LRRC20: variants seen among roughly 807,000 people sequenced by gnomAD.
LRRC20 encodes the protein leucine-rich repeat-containing protein 20.
A neutral mutation model predicts 14.4 loss-of-function variants in LRRC20; 11 were observed. The observed-to-expected ratio is 0.77, with a 90% CI of 0.48 to 1.27. The LOEUF (loss-of-function observed/expected upper bound fraction) is 1.27, where lower values mean the gene tolerates loss of function less well. Among genes scored for constraint, LRRC20 ranks in the 50% most tolerant of loss-of-function variants. The pLI is 0.00. For synonymous variants in LRRC20, 121 were observed against 107.3 expected, an observed-to-expected ratio of 1.13 and a Z score of -0.79; for missense variants, 219 against 251.2, an observed-to-expected ratio of 0.87 and a Z score of 0.87.
At chr10:70,335,948 C>T (rs999463057) in intron 3 of LRRC20, among the ~76,000 whole-genome samples, 1 of 152,178 alleles carries the variant, frequency 6.6e-6, no homozygotes, top group East Asian at 1.9e-4. Flanking sequence ...CCTGGACACC[C>T]ACAGACCGTG....
At position 70,300,229 on chromosome 10, in the gene LRRC20, G is replaced by T; in HGVS notation, c.*1125C>A. ...CCACAGGCGTTCTCGGGAAGCAAGA[G>T]CCCCAGGCCCTCTCCTGGTAGGGGA... On this transcript the variant is annotated 3_prime_UTR_variant, in exon 5 of 5. Transcript: ENST00000446961. The T allele has an allele frequency of 5.0e-6, 2 of 401,590 alleles. No individual in the cohort carries two copies. Among genetic ancestry groups the T allele is most frequent in the Non-Finnish European group, 6.8e-6 (2 of 296,196 alleles). 24.9% of individuals were successfully genotyped at this position (401,590 alleles called of 1,614,324 possible). A position where few individuals can be genotyped will look rare whatever the true frequency, so the allele number is the denominator to read the frequency against.
At position 70,308,714 on chromosome 10, in the gene LRRC20, G is replaced by A. The variant is rs142971433; in HGVS notation, c.401-7206C>T. On this transcript the variant is annotated intron_variant, in intron 4 of 4. Coordinates refer to ENST00000446961, the MANE Select transcript of LRRC20 (RefSeq NM_001278212.2). ...GGGGTGGGAGAGGCCAGGAGTCCAT[G>A]GCAAATGGAGGCTCAGACAGGAAAA... 3.0e-3 allele frequency among the ~76,000 whole-genome samples: 464 copies of A among 152,320 alleles called. 4 individuals are homozygous for A. Among genetic ancestry groups the A allele is most frequent in the African/African-American group, 0.011 (448 of 41,572 alleles).
chr10:70,353,576 C>T (rs1183863200), intron 2 of LRRC20, among the ~76,000 whole-genome samples: 1 of 152,092 alleles, frequency 6.6e-6, no homozygotes, highest in African/African-American at 2.4e-5. Flanking sequence ...CACCACCACG[C>T]CCAACTAATT....
At chr10:70,348,444 G>C (rs1843160757) in intron 2 of LRRC20, among the ~76,000 whole-genome samples, 1 of 152,218 alleles carries the variant, frequency 6.6e-6, no homozygotes, top group African/African-American at 2.4e-5. Flanking sequence ...CGGGGGATGG[G>C]AATAATAACA....
At chr10:70,363,535 T>G (rs1303904239) in intron 2 of LRRC20, among the ~76,000 whole-genome samples, 1 of 152,148 alleles carries the variant, frequency 6.6e-6, no homozygotes, top group Non-Finnish European at 1.5e-5. Flanking sequence ...GAAGCCTGAA[T>G]GAACTAAGGC....
chr10:70,371,470 A>G (rs1186237848), intron 2 of LRRC20, among the ~76,000 whole-genome samples: 1 of 151,866 alleles, frequency 6.6e-6, no homozygotes, highest in East Asian at 1.9e-4. Context: ...CTGTGTCACG[A>G]TTATTCTTTA....
chr10:70,319,507 C>A (rs1192128471), intron 4 of LRRC20, among the ~76,000 whole-genome samples: 1 of 152,204 alleles, frequency 6.6e-6, no homozygotes, highest in East Asian at 1.9e-4. Flanking sequence ...CCCACAAGGA[C>A]ACGAGGACAG....
chr10:70,378,458 C>T (rs940901051), intron 1 of LRRC20, among the ~76,000 whole-genome samples: 1 of 147,496 alleles, frequency 6.8e-6, no homozygotes, highest in African/African-American at 2.5e-5. Context: ...GCCTGACCAA[C>T]ATGGTAAAAC....
At chr10:70,301,547 C>A in intron 4 of LRRC20, 39 bp from the exon 5 acceptor site, 1 of 1,599,726 alleles carries the variant, frequency 6.3e-7, no homozygotes, top group Non-Finnish European at 8.5e-7. Flanking sequence ...GTGGTGGAGG[C>A]CAACCAGACA....
intron 2 of LRRC20, among the ~76,000 whole-genome samples, chr10:70,364,038 T>G (rs991723646): frequency 6.6e-6 from 1 of 152,222 alleles, no homozygotes; most frequent in East Asian, 1.9e-4. Flanking sequence ...TCAGCCCTTG[T>G]GGCAAACAAA....
At chr10:70,312,169 G>C (rs530698155) in intron 4 of LRRC20, among the ~76,000 whole-genome samples, 1 of 152,306 alleles carries the variant, frequency 6.6e-6, no homozygotes, top group East Asian at 1.9e-4. Context: ...AGCATTGCTA[G>C]AGAATCCAGG....
intron 3 of LRRC20, among the ~76,000 whole-genome samples, chr10:70,328,905 G>A (rs1285013056): frequency 6.6e-6 from 1 of 152,224 alleles, no homozygotes; most frequent in Admixed American, 6.5e-5. Context: ...GCAACAGAGT[G>A]AGAGCGAGAC....
intron 1 of LRRC20, among the ~76,000 whole-genome samples, chr10:70,378,512 C>T (rs1368616456): frequency 6.6e-6 from 1 of 150,606 alleles, no homozygotes; most frequent in Non-Finnish European, 1.5e-5. Context: ...AATGGTCGGG[C>T]ATGGTGGCTC....
chr10:70,304,473 T>TATAGATATATAG (rs1272949523), intron 4 of LRRC20, among the ~76,000 whole-genome samples: 1 of 11,176 alleles, frequency 8.9e-5, no homozygotes, highest in African/African-American at 4.6e-4. Context: ...CACTTCTTTA[T>TATAGATATATAG]ATATATATAT....
At chr10:70,365,887 G>A (rs1371921653) in intron 2 of LRRC20, among the ~76,000 whole-genome samples, 4 of 151,472 alleles carry the variant, frequency 2.6e-5, no homozygotes, top group Admixed American at 6.6e-5. Flanking sequence ...TGGCTAACAC[G>A]GTGAAACCCC....
At chr10:70,354,359 G>A (rs889596027) in intron 2 of LRRC20, among the ~76,000 whole-genome samples, 66 of 152,138 alleles carry the variant, frequency 4.3e-4, no homozygotes, top group African/African-American at 1.5e-3. Flanking sequence ...TCTAGGTGGG[G>A]CGTAAGAGTC....
At chr10:70,344,993 C>T (rs1843026664) in intron 2 of LRRC20, among the ~76,000 whole-genome samples, 1 of 152,142 alleles carries the variant, frequency 6.6e-6, no homozygotes, top group African/African-American at 2.4e-5. Context: ...GTAACTACTA[C>T]ACAAATCCTC....
chr10:70,353,069 C>A (rs1078119), intron 2 of LRRC20, among the ~76,000 whole-genome samples: 113,937 of 151,972 alleles, frequency 0.75, 43,060 homozygotes, highest in Middle Eastern at 0.83. Flanking sequence ...TCTCCTGCAC[C>A]GGTGTTGAGT....
chr10:70,331,832 G>A (rs1052892063), intron 3 of LRRC20, among the ~76,000 whole-genome samples: 2 of 152,110 alleles, frequency 1.3e-5, no homozygotes, highest in African/African-American at 2.4e-5. Flanking sequence ...TGTGGTTTCC[G>A]GTGTCTGTTA....
Sources: gnomAD v4.1 joint callset for allele counts (sites outside exome capture counted in the v4.1 genomes callset) on GRCh38, gnomAD v4.1.1 for gene constraint, MANE v1.5 for transcripts, NCBI Gene and HGNC (gene_info 2026-07-23, HGNC 2026-07-21) for gene names.